The following CSMD1 variants were observed in gnomAD, a reference collection of about 807,000 sequenced individuals.
CSMD1 encodes CUB and Sushi multiple domains 1.
A neutral mutation model predicts 417.5 loss-of-function variants in CSMD1; 213 were observed. That is an observed-to-expected ratio of 0.51 (90% CI 0.46 to 0.57). CSMD1 has a LOEUF of 0.57. Ranked by LOEUF, CSMD1 falls within the 20% of genes least tolerant of loss-of-function variation. The pLI, the probability that CSMD1 is intolerant of heterozygous loss-of-function variation, is 0.00. For synonymous variants in CSMD1, 2,862 were observed against 1,736.8 expected (o/e 1.65, Z -16.11); for missense variants, 6,923 against 4,529.7 (o/e 1.53, Z -15.17).
intron 1 of CSMD1, among the ~76,000 whole-genome samples, chr8:4,987,547 C>T (rs1811243909): frequency 6.6e-6 from 1 of 152,078 alleles, no homozygotes; most frequent in Non-Finnish European, 1.5e-5. Context: ...GGTTGAAGCT[C>T]CCCAAAATAT....
chr8:3,624,712 T>C (rs1338718106), intron 7 of CSMD1, among the ~76,000 whole-genome samples: 1 of 152,212 alleles, frequency 6.6e-6, no homozygotes, highest in Admixed American at 6.5e-5. Context: ...GACAGCCCAC[T>C]CTAGGATATG....
At chr8:3,167,298 A>G (rs1297147832) in intron 37 of CSMD1, among the ~76,000 whole-genome samples, 4 of 151,906 alleles carry the variant, frequency 2.6e-5, no homozygotes, top group African/African-American at 9.7e-5. Context: ...AAAGAAAAAA[A>G]AAAAAAAAAA....
chr8:3,524,115 A>C (rs111205001), intron 10 of CSMD1, among the ~76,000 whole-genome samples: 1,604 of 151,644 alleles, frequency 0.011, 25 homozygotes, highest in African/African-American at 0.037. Context: ...ACATATGGAC[A>C]TATGTGCACA....
At chr8:4,292,113 C>A (rs966411568) in intron 3 of CSMD1, among the ~76,000 whole-genome samples, 3 of 152,242 alleles carry the variant, frequency 2.0e-5, no homozygotes, top group Non-Finnish European at 4.4e-5. Flanking sequence ...ACAATGAAGA[C>A]CCTGGCCATA....
At chr8:4,211,959 T>TA (rs1491559616) in intron 3 of CSMD1, among the ~76,000 whole-genome samples, 3 of 152,148 alleles carry the variant, frequency 2.0e-5, no homozygotes, top group Admixed American at 1.3e-4. Flanking sequence ...ATTCCTATCT[T>TA]AGAGACATTT....
intron 3 of CSMD1, among the ~76,000 whole-genome samples, chr8:4,159,684 G>A (rs1210873522): frequency 1.3e-5 from 2 of 152,048 alleles, no homozygotes; most frequent in South Asian, 2.1e-4. Flanking sequence ...CCCCTCCCGG[G>A]TTCACGCCAT....
At chr8:3,835,082 G>C (rs1320563752) in intron 5 of CSMD1, among the ~76,000 whole-genome samples, 3 of 150,576 alleles carry the variant, frequency 2.0e-5, no homozygotes, top group African/African-American at 2.5e-5. Context: ...GTGCTGGAGA[G>C]GATGTAGAGA....
At chr8:3,092,049 G>A (rs1814983662) in intron 47 of CSMD1, among the ~76,000 whole-genome samples, 2 of 152,172 alleles carry the variant, frequency 1.3e-5, no homozygotes, top group African/African-American at 4.8e-5. Flanking sequence ...CACTTTGGAG[G>A]GCTGTTTGGT....
intron 3 of CSMD1, among the ~76,000 whole-genome samples, chr8:4,163,812 C>T (rs1277890638): frequency 6.6e-6 from 1 of 152,106 alleles, no homozygotes; most frequent in Non-Finnish European, 1.5e-5. Context: ...TTTTAATTTT[C>T]TACACCTATA....
At chr8:4,851,369 T>G (rs529032391) in intron 1 of CSMD1, among the ~76,000 whole-genome samples, 1 of 152,164 alleles carries the variant, frequency 6.6e-6, no homozygotes, top group Non-Finnish European at 1.5e-5. Flanking sequence ...CTGGCTTTCA[T>G]GATCCCACCA....
chr8:3,468,528 G>C (rs931894784), intron 12 of CSMD1, among the ~76,000 whole-genome samples, 184 bp downstream of exon 12: 8 of 152,152 alleles, frequency 5.3e-5, no homozygotes, highest in African/African-American at 1.9e-4. Context: ...CGAGTTTTCA[G>C]AAGTTAAACA....
At chr8:3,968,023 A>C (rs1361512471) in intron 5 of CSMD1, among the ~76,000 whole-genome samples, 1 of 148,802 alleles carries the variant, frequency 6.7e-6, no homozygotes, top group Admixed American at 6.7e-5. Flanking sequence ...AAAAAAAAAA[A>C]AAAATTACAA....
At chr8:4,727,461 G>C (rs1447524137) in intron 1 of CSMD1, among the ~76,000 whole-genome samples, 2 of 152,104 alleles carry the variant, frequency 1.3e-5, no homozygotes, top group Non-Finnish European at 1.5e-5. Flanking sequence ...TAAAAGACTG[G>C]GGAAAACAAT....
intron 9 of CSMD1, among the ~76,000 whole-genome samples, chr8:3,575,322 G>C (rs150054155): frequency 2.0e-5 from 3 of 152,204 alleles, no homozygotes; most frequent in African/African-American, 7.2e-5. Context: ...ACTCACCAAA[G>C]GATCTAACAG....
chr8:3,747,112 A>G (rs1390740938), intron 6 of CSMD1, among the ~76,000 whole-genome samples: 1 of 151,814 alleles, frequency 6.6e-6, no homozygotes, highest in African/African-American at 2.4e-5. Flanking sequence ...GTGGAGAAAC[A>G]CAGTTGTAAA....
At chr8:4,386,761 A>G (rs11785119) in intron 3 of CSMD1, among the ~76,000 whole-genome samples, 97,570 of 152,084 alleles carry the variant, frequency 0.64, 31,890 homozygotes, top group Non-Finnish European at 0.7. Flanking sequence ...AATTAGGGGT[A>G]GAAACAGTTG....
chr8:4,304,239 A>T (rs943000714), intron 3 of CSMD1, among the ~76,000 whole-genome samples: 1 of 152,240 alleles, frequency 6.6e-6, no homozygotes, highest in African/African-American at 2.4e-5. Context: ...CTAAATGTGA[A>T]GGGCTTTGCA....
intron 5 of CSMD1, among the ~76,000 whole-genome samples, chr8:3,996,522 T>C (rs1815234103): frequency 6.6e-6 from 1 of 152,164 alleles, no homozygotes; most frequent in Admixed American, 6.5e-5. Flanking sequence ...GCAGAACCTG[T>C]GGTATAACTT....
At position 3,706,275 on chromosome 8, in the gene CSMD1, G is replaced by C. The variant is rs549496056; in HGVS notation, c.1009+2139C>G. Among the ~76,000 whole-genome samples the C allele has an allele frequency of 2.0e-5, 3 of 152,322 alleles. No homozygotes were observed. In the East Asian group the frequency reaches 5.8e-4, roughly 29 times the overall value. On this transcript the variant is annotated intron_variant, in intron 7 of 69. Transcript: ENST00000635120. Reference sequence around the variant, plus strand: ...TACTATTTTATTAATAATTGTGTAAGCGATGACATTTGAACTTGAATAAGG... The same window carrying C: ...TACTATTTTATTAATAATTGTGTAACCGATGACATTTGAACTTGAATAAGG...
Sources: gnomAD v4.1 joint callset for allele counts (sites outside exome capture counted in the v4.1 genomes callset) on GRCh38, gnomAD v4.1.1 for gene constraint, MANE v1.5 for transcripts, NCBI Gene and HGNC (gene_info 2026-07-23, HGNC 2026-07-21) for gene names.